Variants in LRBA observed in about 807,000 individuals in gnomAD.
LRBA encodes the protein LPS responsive beige-like anchor protein.
LRBA carries 176 observed loss-of-function variants against 330.0 expected under a neutral mutation model. The observed-to-expected ratio is 0.53, with a 90% CI of 0.47 to 0.60. The LOEUF (loss-of-function observed/expected upper bound fraction) is 0.60, where lower values mean the gene tolerates loss of function less well. Among genes scored for constraint, LRBA ranks in the 20% least tolerant of loss-of-function variants. LRBA has a pLI of 0.00. For synonymous variants in LRBA, 1,230 were observed against 1,193.0 expected (o/e 1.03, Z -0.64); for missense variants, 3,259 against 3,444.8 (o/e 0.95, Z 1.35).
At chr4:150,938,840 T>C (rs1254445670) in intron 2 of LRBA, among the ~76,000 whole-genome samples, 1 of 152,208 alleles carries the variant, frequency 6.6e-6, no homozygotes, top group Non-Finnish European at 1.5e-5. Context: ...GAAACCACTG[T>C]TAATTTGGGC....
At chr4:151,014,368 G>C (rs1745194530) in intron 2 of LRBA, 59 bp downstream of exon 2, 1 of 1,410,814 alleles carries the variant, frequency 7.1e-7, no homozygotes, top group Admixed American at 1.8e-5. Context: ...CCAGCTTTAA[G>C]ATCTTGTTCC....
chr4:150,316,506 T>C (rs1481958461), intron 50 of LRBA, among the ~76,000 whole-genome samples: 1 of 152,156 alleles, frequency 6.6e-6, no homozygotes, highest in Admixed American at 6.5e-5. Context: ...GAATAGATTA[T>C]CTTTTCAGCT....
At chr4:150,612,785 A>T (rs1775400639) in intron 37 of LRBA, among the ~76,000 whole-genome samples, 1 of 152,226 alleles carries the variant, frequency 6.6e-6, no homozygotes, top group South Asian at 2.1e-4. Flanking sequence ...TAAATGGGAT[A>T]AAATAAGCAA....
chr4:150,371,800 A>G (rs150376392), intron 47 of LRBA, among the ~76,000 whole-genome samples: 1 of 152,302 alleles, frequency 6.6e-6, no homozygotes, highest in Admixed American at 6.5e-5. Flanking sequence ...TAAAGCTTAA[A>G]GTTTTAAATG....
intron 47 of LRBA, among the ~76,000 whole-genome samples, chr4:150,374,070 G>A (rs1437216912): frequency 1.3e-5 from 2 of 152,060 alleles, no homozygotes; most frequent in East Asian, 1.9e-4. Flanking sequence ...CACCCACTCT[G>A]TAATCTTCAC....
At chr4:150,758,991 T>C (rs987587384) in intron 35 of LRBA, among the ~76,000 whole-genome samples, 1 of 152,050 alleles carries the variant, frequency 6.6e-6, no homozygotes, top group Non-Finnish European at 1.5e-5. Context: ...CACAGCTCAT[T>C]GCAGCCTCGT....
chr4:150,506,428 C>T (rs1000175327), intron 40 of LRBA, among the ~76,000 whole-genome samples: 1 of 152,126 alleles, frequency 6.6e-6, no homozygotes, highest in Non-Finnish European at 1.5e-5. Flanking sequence ...TCAACATATG[C>T]AAATCAATAA....
chr4:150,749,019 A>G (rs774681203), intron 35 of LRBA, among the ~76,000 whole-genome samples: 1 of 152,158 alleles, frequency 6.6e-6, no homozygotes, highest in African/African-American at 2.4e-5. Flanking sequence ...TGAGAAATAA[A>G]TTGCTATTAT....
At chr4:150,454,685 C>G (rs868375686) in intron 44 of LRBA, among the ~76,000 whole-genome samples, 3 of 151,962 alleles carry the variant, frequency 2.0e-5, no homozygotes, top group Admixed American at 6.6e-5. Context: ...GTATACTTGT[C>G]ACCCAAAGAG....
At chr4:150,926,369 C>T (rs1349445681) in intron 4 of LRBA, among the ~76,000 whole-genome samples, 2 of 152,124 alleles carry the variant, frequency 1.3e-5, no homozygotes, top group African/African-American at 4.8e-5. Context: ...CTCTAAGAGA[C>T]ACGCCTGAAT....
At position 150,897,677 on chromosome 4, in the gene LRBA, T is replaced by C. The variant is rs576907368; in HGVS notation, c.2004+62A>G. Reference sequence around the variant, plus strand: ...AAAGAATAAAAAAACCAAGATTGTATTTCATGTGAAATTATAACCTTCAAT... The same window carrying C: ...AAAGAATAAAAAAACCAAGATTGTACTTCATGTGAAATTATAACCTTCAAT... On this transcript the variant is annotated intron_variant, in intron 15 of 56. Coordinates refer to ENST00000651943, the MANE Select transcript of LRBA (RefSeq NM_001364905.1). 4.4e-5 allele frequency: 51 copies of C among 1,161,212 alleles called. 1 individual carries two copies. The South Asian group carries it at 6.4e-4, about 15-fold the overall frequency. The allele number at this position is 1,161,212 out of a possible 1,614,324, so 71.9% of individuals were successfully genotyped here.
At chr4:150,324,251 C>T (rs944931686) in intron 49 of LRBA, among the ~76,000 whole-genome samples, 1 of 152,152 alleles carries the variant, frequency 6.6e-6, no homozygotes, top group African/African-American at 2.4e-5. Flanking sequence ...TTTGCCAGCA[C>T]CAATGCAGCC....
chr4:150,352,563 T>A (rs1737320947), intron 47 of LRBA, among the ~76,000 whole-genome samples: 1 of 152,210 alleles, frequency 6.6e-6, no homozygotes, highest in Non-Finnish European at 1.5e-5. Flanking sequence ...TTTACAAATT[T>A]ATTAAACAGA....
intron 36 of LRBA, among the ~76,000 whole-genome samples, chr4:150,702,829 C>T (rs1785242499): frequency 6.6e-6 from 1 of 152,152 alleles, no homozygotes; most frequent in Non-Finnish European, 1.5e-5. Flanking sequence ...CATATTTCAA[C>T]CATCAAATTG....
rs1399322326 is a variant in LRBA at position 150,870,526 on chromosome 4, A to G, written c.2448T>C (p.Pro816=). The G allele has an allele frequency of 5.2e-6, 8 of 1,544,706 alleles. No homozygotes were observed. In the African/African-American group the frequency reaches 6.8e-5, roughly 13 times the overall value. The change falls in exon 20 of 57, where the codon CCT becomes CCC. Residue 816 remains proline (P), a splice_region_variant and synonymous_variant. Coordinates refer to ENST00000651943, the MANE Select transcript of LRBA (RefSeq NM_001364905.1). ...TGTTAAAGTATATAAAATACATACG[A>G]GGGTTTTGTATCTTCACTGAAGAAT... ...DPDSSVKIQN[P]QILKVIATLL...
At chr4:150,418,573 T>G (rs766093984) in intron 46 of LRBA, among the ~76,000 whole-genome samples, 19 of 152,356 alleles carry the variant, frequency 1.2e-4, no homozygotes, top group Non-Finnish European at 2.4e-4. Flanking sequence ...TTATGTAAAT[T>G]TTGTACAATG....
chr4:150,454,045 C>G (rs1238957868), intron 44 of LRBA, among the ~76,000 whole-genome samples: 1 of 152,114 alleles, frequency 6.6e-6, no homozygotes, highest in Non-Finnish European at 1.5e-5. Context: ...ACTGCAACCT[C>G]CAACTCCCTG....
At chr4:150,887,382 C>T (rs1179420348) in intron 17 of LRBA, among the ~76,000 whole-genome samples, 1 of 152,100 alleles carries the variant, frequency 6.6e-6, no homozygotes, top group Non-Finnish European at 1.5e-5. Context: ...TTGCCTGACT[C>T]TATCAGAAGA....
intron 2 of LRBA, among the ~76,000 whole-genome samples, chr4:150,943,062 G>C (rs1346529396): frequency 6.6e-6 from 1 of 152,084 alleles, no homozygotes; most frequent in African/African-American, 2.4e-5. Context: ...CTTCATAAGA[G>C]TTAGAAATTT....
Sources: allele counts gnomAD v4.1 joint callset (sites outside exome capture counted in the v4.1 genomes callset), GRCh38; gene constraint gnomAD v4.1.1; transcripts MANE v1.5; gene names NCBI Gene and HGNC (gene_info 2026-07-23, HGNC 2026-07-21).